MGAT5: variants seen among roughly 807,000 people sequenced by gnomAD.
The protein encoded by MGAT5 is alpha-1,6-mannosylglycoprotein 6-beta-N-acetylglucosaminyltransferase, also known as alpha-1,6-mannosylglycoprotein 6-beta-N-acetylglucosaminyltransferase A.
A neutral mutation model predicts 94.3 loss-of-function variants in MGAT5; 30 were observed. The observed-to-expected ratio is 0.32, with a 90% CI of 0.24 to 0.43. The LOEUF is 0.43. Among genes scored for constraint, MGAT5 ranks in the 20% least tolerant of loss-of-function variants. MGAT5 has a pLI of 1.00. For synonymous variants in MGAT5, 310 were observed against 322.9 expected (o/e 0.96, Z 0.43); for missense variants, 691 against 905.5 (o/e 0.76, Z 3.04).
At chr2:134,165,556 A>G (rs754036591) in intron 1 of MGAT5, among the ~76,000 whole-genome samples, 5 of 151,968 alleles carry the variant, frequency 3.3e-5, no homozygotes, top group Non-Finnish European at 7.4e-5. Context: ...CAGGTGGATC[A>G]TGAGGTCAGG....
In MGAT5 at chr2:134,453,244, G is replaced by A. The variant is rs998118924; in HGVS notation, c.*4397G>A. ...ACTGGTTTAGAGTAGCCCAGTTCTC[G>A]GCCTACCCTGCTGGTTGGGATCTTA... On this transcript the variant is annotated 3_prime_UTR_variant, in exon 16 of 16. Transcript: ENST00000281923. The A allele has an allele frequency of 3.3e-5, 5 of 152,144 alleles. No individual in the cohort carries two copies. Among genetic ancestry groups the A allele is most frequent in the Middle Eastern group, 3.2e-3 (1 of 316 alleles). 9.4% of individuals were successfully genotyped at this position (152,144 alleles called of 1,614,324 possible).
At chr2:134,271,787 C>T (rs971055142) in intron 2 of MGAT5, among the ~76,000 whole-genome samples, 6 of 152,198 alleles carry the variant, frequency 3.9e-5, no homozygotes, top group African/African-American at 1.4e-4. Context: ...TCCTGTCTTC[C>T]TTGCAGTTTC....
chr2:134,352,676 A>G (rs1217107719), intron 9 of MGAT5, among the ~76,000 whole-genome samples: 2 of 152,314 alleles, frequency 1.3e-5, no homozygotes, highest in East Asian at 1.9e-4. Context: ...CTTTAGGACC[A>G]TGTAAATGTT....
chr2:134,141,289 G>T (rs1406418830), intron 1 of MGAT5, among the ~76,000 whole-genome samples: 1 of 152,182 alleles, frequency 6.6e-6, no homozygotes, highest in African/African-American at 2.4e-5. Context: ...CTAGTCTGTG[G>T]TATTGTTATA....
At chr2:134,339,734 G>T (rs1051437482) in intron 6 of MGAT5, among the ~76,000 whole-genome samples, 5 of 152,058 alleles carry the variant, frequency 3.3e-5, no homozygotes, top group Non-Finnish European at 7.4e-5. Context: ...TAAACAAAAT[G>T]TTATTACCAA....
intron 10 of MGAT5, among the ~76,000 whole-genome samples, chr2:134,366,714 T>C (rs1198433836): frequency 6.6e-6 from 1 of 152,214 alleles, no homozygotes; most frequent in Non-Finnish European, 1.5e-5. Flanking sequence ...ACGGAGACTC[T>C]TTCTCACAAG....
intron 10 of MGAT5, among the ~76,000 whole-genome samples, chr2:134,388,273 T>C (rs1465080769): frequency 6.6e-6 from 1 of 152,172 alleles, no homozygotes; most frequent in Non-Finnish European, 1.5e-5. Flanking sequence ...TGAGCCCCCA[T>C]GTACCTCTCA....
At chr2:134,372,897 C>T (rs981923635) in intron 10 of MGAT5, among the ~76,000 whole-genome samples, 2 of 152,192 alleles carry the variant, frequency 1.3e-5, no homozygotes, top group Admixed American at 6.5e-5. Context: ...GGGTCTCCTG[C>T]GAACGCCAGG....
intron 9 of MGAT5, among the ~76,000 whole-genome samples, chr2:134,355,540 C>T (rs146341029): frequency 9.2e-4 from 140 of 152,316 alleles, no homozygotes; most frequent in African/African-American, 3.2e-3. Context: ...ACTGTGCATA[C>T]GGCTTGTTTT....
intron 1 of MGAT5, among the ~76,000 whole-genome samples, chr2:134,243,002 A>G (rs576936257): frequency 1.1e-3 from 160 of 151,670 alleles, no homozygotes; most frequent in African/African-American, 3.6e-3. Flanking sequence ...TGGCAGATGA[A>G]TTATCTAGTA....
At chr2:134,414,944 G>A (rs562802608) in intron 12 of MGAT5, among the ~76,000 whole-genome samples, 6 of 152,246 alleles carry the variant, frequency 3.9e-5, no homozygotes, top group African/African-American at 7.2e-5. Context: ...CCATGTTGCC[G>A]CCAGTGATGG....
intron 4 of MGAT5, among the ~76,000 whole-genome samples, chr2:134,323,003 G>A (rs892562007): frequency 2.6e-5 from 4 of 152,146 alleles, no homozygotes; most frequent in Admixed American, 2.6e-4. Context: ...AGTCACTAGT[G>A]GAATTGGAGC....
chr2:134,321,072 A>G (rs1687284773), intron 4 of MGAT5, among the ~76,000 whole-genome samples: 1 of 152,174 alleles, frequency 6.6e-6, no homozygotes. Flanking sequence ...ACTTGATAGC[A>G]TTTATATGAG....
In MGAT5 at chr2:134,123,131, A is replaced by T. The variant is rs145994296; in HGVS notation, c.-143+2840A>T. Among the ~76,000 whole-genome samples the T allele has an allele frequency of 2.6e-5, 4 of 152,236 alleles. No individual in the cohort carries two copies. In the East Asian group the frequency reaches 7.7e-4, roughly 29 times the overall value. Reference sequence around the variant, plus strand: ...ATTCACATAATCTCTCCTCCCATTCAATTTTTTTTGTTTTAAAATAAGCAA... The same window carrying T: ...ATTCACATAATCTCTCCTCCCATTCTATTTTTTTTGTTTTAAAATAAGCAA... On this transcript the variant is annotated intron_variant, in intron 1 of 16. Transcript: ENST00000409645.
At chr2:134,314,855 A>G (rs1044078814) in intron 2 of MGAT5, among the ~76,000 whole-genome samples, 6 of 152,170 alleles carry the variant, frequency 3.9e-5, no homozygotes, top group South Asian at 2.1e-4. Flanking sequence ...ATCTCCTAGC[A>G]TAGCAACAGG....
intron 1 of MGAT5, among the ~76,000 whole-genome samples, chr2:134,131,755 G>A (rs1211061399): frequency 6.6e-6 from 1 of 151,928 alleles, no homozygotes; most frequent in Non-Finnish European, 1.5e-5. Context: ...TGGCCAGTGG[G>A]ATGTTAGCAC....
At chr2:134,250,791 A>G (rs1433940466), upstream of MGAT5, among the ~76,000 whole-genome samples, 1 of 152,162 alleles carries the variant, frequency 6.6e-6, no homozygotes, top group Admixed American at 6.5e-5. Flanking sequence ...TTTTCACTTC[A>G]AATTTGCATG....
intron 14 of MGAT5, among the ~76,000 whole-genome samples, chr2:134,430,533 A>T (rs1684823741): frequency 1.3e-5 from 2 of 152,148 alleles, no homozygotes; most frequent in African/African-American, 4.8e-5. Flanking sequence ...GAAGGAAGGG[A>T]GGAAGGGAGG....
At chr2:134,292,510 A>G (rs1362173782) in intron 2 of MGAT5, among the ~76,000 whole-genome samples, 3 of 152,190 alleles carry the variant, frequency 2.0e-5, no homozygotes, top group Non-Finnish European at 2.9e-5. Context: ...CGGAAGGTTT[A>G]AACGTGGGGA....
Sources: gnomAD v4.1 joint callset for allele counts (sites outside exome capture counted in the v4.1 genomes callset) on GRCh38, gnomAD v4.1.1 for gene constraint, MANE v1.5 for transcripts, NCBI Gene and HGNC (gene_info 2026-07-23, HGNC 2026-07-21) for gene names.